FBXO34: variants seen among roughly 807,000 people sequenced by gnomAD.
FBXO34 encodes F-box only protein 34.
In FBXO34, 12 loss-of-function variants were observed where a neutral mutation model predicts 24.5. The ratio of observed to expected loss-of-function variants is 0.49; its 90% CI spans 0.31 to 0.79. FBXO34 has a LOEUF of 0.79. FBXO34 is among the 30% of genes least tolerant of loss of function. The probability of loss-of-function intolerance (pLI) is 0.04; values close to 1 mark genes in which losing one functional copy is unlikely to be tolerated. For synonymous variants in FBXO34, 320 were observed against 311.9 expected (o/e 1.03, Z -0.27); for missense variants, 823 against 857.7 (o/e 0.96, Z 0.51).
At chr14:55,287,556 T>A (rs1458912310) in intron 1 of FBXO34, among the ~76,000 whole-genome samples, 1 of 152,226 alleles carries the variant, frequency 6.6e-6, no homozygotes, top group Non-Finnish European at 1.5e-5. Flanking sequence ...TTAAGCAACA[T>A]CATCAACAAA....
chr14:55,296,466 G>C (rs1200660183), intron 1 of FBXO34, among the ~76,000 whole-genome samples: 1 of 138,362 alleles, frequency 7.2e-6, no homozygotes, highest in Non-Finnish European at 1.5e-5. Flanking sequence ...CTTGATCTTG[G>C]CTCACTGCAA....
chr14:55,430,551 G>A, the FBXO34 span, among the ~76,000 whole-genome samples: 1 of 152,008 alleles, frequency 6.6e-6, no homozygotes, highest in Non-Finnish European at 1.5e-5. Context: ...GCAGGGGCAT[G>A]CACCACCACA....
At chr14:55,366,936 T>C (rs1194271617) in intron 2 of FBXO34, 2 of 152,548 alleles carry the variant, frequency 1.3e-5, no homozygotes, top group African/African-American at 4.8e-5. Context: ...CAGTGCAAAA[T>C]AATGAAACCC....
the FBXO34 span, among the ~76,000 whole-genome samples, chr14:55,434,090 G>A: frequency 1.3e-5 from 2 of 152,098 alleles, no homozygotes; most frequent in Non-Finnish European, 2.9e-5. Flanking sequence ...ACACTAATCA[G>A]ATTCTCTGCT....
intron 1 of FBXO34, among the ~76,000 whole-genome samples, chr14:55,341,198 G>A (rs1165861093): frequency 2.0e-5 from 3 of 152,186 alleles, no homozygotes; most frequent in Non-Finnish European, 4.4e-5. Flanking sequence ...AACATTTGGA[G>A]TAAGGGGGAT....
intron 1 of FBXO34, among the ~76,000 whole-genome samples, chr14:55,315,956 T>C (rs1882912674): frequency 6.6e-6 from 1 of 152,148 alleles, no homozygotes; most frequent in South Asian, 2.1e-4. Context: ...CTCTTGAACC[T>C]TGTTATTCAA....
At chr14:55,427,920 C>G in the FBXO34 span, among the ~76,000 whole-genome samples, 130 of 147,378 alleles carry the variant, frequency 8.8e-4, no homozygotes, top group Non-Finnish European at 1.6e-3. Flanking sequence ...TGGCTGTGGC[C>G]CGGGCTGGAG....
the FBXO34 span, among the ~76,000 whole-genome samples, chr14:55,435,274 T>G: frequency 7.0e-6 from 1 of 143,152 alleles, no homozygotes; most frequent in African/African-American, 2.9e-5. Context: ...AATAGTCAGG[T>G]GAAATTTTTT....
At chr14:55,286,046 G>A (rs1029729423) in intron 1 of FBXO34, among the ~76,000 whole-genome samples, 41 of 152,168 alleles carry the variant, frequency 2.7e-4, no homozygotes, top group African/African-American at 9.7e-4. Flanking sequence ...TGCTTATTTA[G>A]TATTCATGGA....
chr14:55,440,868 G>T, the FBXO34 span, among the ~76,000 whole-genome samples: 26 of 152,192 alleles, frequency 1.7e-4, no homozygotes, highest in African/African-American at 4.8e-4. Context: ...GGGATTTTTT[G>T]TTGTTGTTGT....
At chr14:55,392,493 C>T in the FBXO34 span, among the ~76,000 whole-genome samples, 1 of 151,792 alleles carries the variant, frequency 6.6e-6, no homozygotes, top group Non-Finnish European at 1.5e-5. Flanking sequence ...ACCAAAAATA[C>T]AAAAAATTAG....
At chr14:55,332,023 T>TATAC (rs1555338587) in intron 1 of FBXO34, among the ~76,000 whole-genome samples, 2 of 64,978 alleles carry the variant, frequency 3.1e-5, no homozygotes, top group East Asian at 5.2e-4. Context: ...AATATATATA[T>TATAC]ACCACCGTGG....
intron 1 of FBXO34, among the ~76,000 whole-genome samples, chr14:55,295,120 C>T (rs891490276): frequency 2.0e-5 from 3 of 152,086 alleles, no homozygotes; most frequent in South Asian, 2.1e-4. Context: ...ATCACTTTTG[C>T]GCCATCGTAA....
intron 1 of FBXO34, among the ~76,000 whole-genome samples, chr14:55,277,021 G>A (rs1408077314): frequency 3.9e-5 from 6 of 152,324 alleles, no homozygotes; most frequent in Non-Finnish European, 5.9e-5. Flanking sequence ...CTTGTATATA[G>A]TAAAATGTAC....
chr14:55,371,238 C>T (rs945473707), downstream of FBXO34, among the ~76,000 whole-genome samples: 2 of 152,170 alleles, frequency 1.3e-5, no homozygotes, highest in African/African-American at 4.8e-5. Flanking sequence ...TATAGCTTGC[C>T]ATTTCAGCCT....
intron 1 of FBXO34, among the ~76,000 whole-genome samples, chr14:55,338,048 C>CTTCTTTTTTTTTTT (rs1883846252): frequency 1.1e-5 from 1 of 88,266 alleles, no homozygotes; most frequent in Non-Finnish European, 2.1e-5. Flanking sequence ...GTATGTACTT[C>CTTCTTTTTTTTTTT]TTTTTTTTTT....
At chr14:55,376,042 T>C in the FBXO34 span, among the ~76,000 whole-genome samples, 1 of 152,218 alleles carries the variant, frequency 6.6e-6, no homozygotes, top group South Asian at 2.1e-4. Context: ...TGTTTTTTCT[T>C]CTTTAATCTG....
chr14:55,387,060 C>T, the FBXO34 span, among the ~76,000 whole-genome samples: 1 of 151,942 alleles, frequency 6.6e-6, no homozygotes, highest in Admixed American at 6.6e-5. Context: ...TATCACAATC[C>T]TAGTTAACGC....
intron 1 of FBXO34, among the ~76,000 whole-genome samples, chr14:55,293,483 C>G (rs924207189): frequency 1.3e-5 from 2 of 152,144 alleles, no homozygotes; most frequent in Non-Finnish European, 2.9e-5. Flanking sequence ...GTACCTGGCA[C>G]TAGGTAAAGA....
Sources: allele counts gnomAD v4.1 joint callset (sites outside exome capture counted in the v4.1 genomes callset), GRCh38; gene constraint gnomAD v4.1.1; transcripts MANE v1.5; gene names NCBI Gene and HGNC (gene_info 2026-07-23, HGNC 2026-07-21).